Variants in GPC5 observed in about 807,000 individuals in gnomAD.
The protein encoded by GPC5 is glypican-5.
GPC5 carries 47 observed loss-of-function variants against 53.9 expected under a neutral mutation model. That is an observed-to-expected ratio of 0.87 (90% CI 0.69 to 1.11). The LOEUF (loss-of-function observed/expected upper bound fraction) is 1.11, where lower values mean the gene tolerates loss of function less well. Among genes scored for constraint, GPC5 ranks in the 50% most tolerant of loss-of-function variants. The probability of loss-of-function intolerance (pLI) is 0.00; values close to 1 mark genes in which losing one functional copy is unlikely to be tolerated. For synonymous variants in GPC5, 286 were observed against 263.3 expected, an observed-to-expected ratio of 1.09 and a Z score of -0.84; for missense variants, 748 against 713.1, an observed-to-expected ratio of 1.05 and a Z score of -0.56.
rs193200455 is a variant in GPC5 at position 91,567,356 on chromosome 13, T to C, written c.325+118434T>C. Among the ~76,000 whole-genome samples the C allele has an allele frequency of 3.1e-4, 47 of 152,308 alleles. No homozygotes were observed. In the East Asian group the frequency reaches 9.1e-3, roughly 29 times the overall value. ...CTTTTGTTTAGATGTTCTCTACACT[T>C]AGTGTATTTCTAGGTCCTCCATGTT... On this transcript the variant is annotated intron_variant, in intron 2 of 7. Transcript: ENST00000377067.
chr13:92,729,902 C>A (rs769385921), intron 7 of GPC5, among the ~76,000 whole-genome samples: 3 of 151,280 alleles, frequency 2.0e-5, no homozygotes, highest in South Asian at 2.1e-4. Context: ...TCAAAAAAAA[C>A]CAGTCTTGCA....
intron 6 of GPC5, among the ~76,000 whole-genome samples, chr13:91,963,764 T>A (rs1420828666): frequency 6.6e-6 from 1 of 152,096 alleles, no homozygotes; most frequent in African/African-American, 2.4e-5. Flanking sequence ...CAGATAATAA[T>A]ATTGATATGC....
At chr13:92,138,782 G>T (rs1426399582) in intron 6 of GPC5, among the ~76,000 whole-genome samples, 1 of 152,030 alleles carries the variant, frequency 6.6e-6, no homozygotes, top group Non-Finnish European at 1.5e-5. Flanking sequence ...AGAGCATAGG[G>T]GAGTTATTTG....
At chr13:92,182,107 G>T (rs1463280189) in intron 7 of GPC5, among the ~76,000 whole-genome samples, 2 of 151,368 alleles carry the variant, frequency 1.3e-5, no homozygotes, top group African/African-American at 4.9e-5. Context: ...TATTTTTTTT[G>T]CCAGGGAATT....
chr13:91,637,179 C>A (rs1327772760), intron 2 of GPC5, among the ~76,000 whole-genome samples: 1 of 152,182 alleles, frequency 6.6e-6, no homozygotes, highest in African/African-American at 2.4e-5. Flanking sequence ...TCATAGGAAA[C>A]CTTCTTACCT....
intron 7 of GPC5, among the ~76,000 whole-genome samples, chr13:92,767,848 T>C (rs1176196667): frequency 6.6e-6 from 1 of 152,186 alleles, no homozygotes; most frequent in Non-Finnish European, 1.5e-5. Context: ...TTCCACCCAG[T>C]TGACACCCAC....
At chr13:92,731,535 C>T (rs1395362889) in intron 7 of GPC5, among the ~76,000 whole-genome samples, 1 of 151,296 alleles carries the variant, frequency 6.6e-6, no homozygotes, top group Admixed American at 6.6e-5. Context: ...TAGAAGTAAG[C>T]ATTCCTTGAG....
At chr13:92,286,558 A>G (rs1156598961) in intron 7 of GPC5, among the ~76,000 whole-genome samples, 1 of 152,190 alleles carries the variant, frequency 6.6e-6, no homozygotes, top group East Asian at 1.9e-4. Context: ...TACAGCCATC[A>G]AAAAGAATGA....
chr13:92,048,479 A>G (rs1025576046), intron 6 of GPC5, among the ~76,000 whole-genome samples: 3 of 152,186 alleles, frequency 2.0e-5, no homozygotes, highest in Non-Finnish European at 4.4e-5. Flanking sequence ...AAAGTCAGCC[A>G]GGAGGGTGAA....
At chr13:92,299,803 G>A (rs548768259) in intron 7 of GPC5, among the ~76,000 whole-genome samples, 1 of 152,228 alleles carries the variant, frequency 6.6e-6, no homozygotes, top group African/African-American at 2.4e-5. Flanking sequence ...TTTTATTGTA[G>A]AAAGTGGTTT....
intron 6 of GPC5, among the ~76,000 whole-genome samples, chr13:92,078,074 T>A (rs2041267112): frequency 6.6e-6 from 1 of 152,046 alleles, no homozygotes; most frequent in Non-Finnish European, 1.5e-5. Flanking sequence ...TGTGTATACA[T>A]CATATATACC....
chr13:92,220,965 C>T (rs1427875977), intron 7 of GPC5, among the ~76,000 whole-genome samples: 2 of 152,006 alleles, frequency 1.3e-5, no homozygotes, highest in Non-Finnish European at 2.9e-5. Context: ...TTGTGTATTT[C>T]CCCAGAGAGA....
chr13:92,270,489 G>A (rs1277206089), intron 7 of GPC5, among the ~76,000 whole-genome samples: 1 of 152,136 alleles, frequency 6.6e-6, no homozygotes, highest in Admixed American at 6.6e-5. Flanking sequence ...GTTTGTGGAG[G>A]TCTCCTCAGA....
At chr13:92,394,424 C>T (rs141427568) in intron 7 of GPC5, among the ~76,000 whole-genome samples, 1,636 of 151,836 alleles carry the variant, frequency 0.011, 14 homozygotes, top group Non-Finnish European at 0.016. Context: ...GGGTTAGTGC[C>T]CTAATAAAAA....
chr13:92,464,222 CAG>C (rs1303185147), intron 7 of GPC5, among the ~76,000 whole-genome samples: 1 of 152,074 alleles, frequency 6.6e-6, no homozygotes, highest in Admixed American at 6.6e-5. Context: ...CCTTCAAATC[CAG>C]AGTTTTATGT....
rs537746857 is a variant in GPC5 at position 92,500,623 on chromosome 13, A to G, written c.1561+355634A>G. 5.3e-5 allele frequency among the ~76,000 whole-genome samples: 8 copies of G among 152,108 alleles called. No homozygotes were observed. In the East Asian group the frequency reaches 1.2e-3, roughly 22 times the overall value. ...GCCTTCCAAGATAGTTTATTTTACAATTTTTCCCCCCATCCTGAGTGAACC... is the reference window on the plus strand; with the variant it reads ...GCCTTCCAAGATAGTTTATTTTACAGTTTTTCCCCCCATCCTGAGTGAACC... On this transcript the variant is annotated intron_variant, in intron 7 of 7. Coordinates refer to ENST00000377067, the MANE Select transcript of GPC5 (RefSeq NM_004466.6).
intron 7 of GPC5, among the ~76,000 whole-genome samples, chr13:92,773,320 A>C (rs1239725605): frequency 6.6e-6 from 1 of 152,188 alleles, no homozygotes; most frequent in Non-Finnish European, 1.5e-5. Flanking sequence ...AAGCTCCTAG[A>C]ATTTGAGAAA....
intron 7 of GPC5, among the ~76,000 whole-genome samples, chr13:92,645,408 G>A (rs1195858813): frequency 1.3e-5 from 2 of 152,176 alleles, no homozygotes; most frequent in Non-Finnish European, 2.9e-5. Flanking sequence ...TGTCCTAGTA[G>A]TTTTGTGTTT....
chr13:92,599,666 C>G (rs1372322132), intron 7 of GPC5, among the ~76,000 whole-genome samples: 1 of 152,154 alleles, frequency 6.6e-6, no homozygotes, highest in African/African-American at 2.4e-5. Context: ...GAGGATGACT[C>G]TGGCTTCCTT....
Sources: allele counts gnomAD v4.1 joint callset (sites outside exome capture counted in the v4.1 genomes callset), GRCh38; gene constraint gnomAD v4.1.1; transcripts MANE v1.5; gene names NCBI Gene and HGNC (gene_info 2026-07-23, HGNC 2026-07-21).